Variants in LAMA2 observed in about 807,000 individuals in gnomAD.
LAMA2 encodes laminin subunit alpha 2, also known as laminin subunit alpha-2.
In LAMA2, 269 loss-of-function variants were observed where a neutral mutation model predicts 364.8. That is an observed-to-expected ratio of 0.74 (90% CI 0.67 to 0.82). LAMA2 has a LOEUF of 0.82. LAMA2 is among the 40% of genes least tolerant of loss of function. The pLI is 0.00. For missense variants in LAMA2, 3,807 were observed against 3,873.2 expected (o/e 0.98, Z 0.45); for synonymous variants, 1,379 against 1,370.6 (o/e 1.01, Z -0.14).
At chr6:129,228,805 G>T (rs1414946046) in intron 12 of LAMA2, among the ~76,000 whole-genome samples, 1 of 152,194 alleles carries the variant, frequency 6.6e-6, no homozygotes, top group African/African-American at 2.4e-5. Context: ...TCCAGCTGTG[G>T]CTCTAACTGT....
At chr6:129,093,133 C>G (rs552110853) in intron 3 of LAMA2, among the ~76,000 whole-genome samples, 156 of 151,640 alleles carry the variant, frequency 1.0e-3, no homozygotes, top group Middle Eastern at 3.4e-3. Flanking sequence ...CAGGCGCCCA[C>G]CACCACCCCC....
chr6:128,920,313 A>G (rs895162270), intron 1 of LAMA2, among the ~76,000 whole-genome samples: 1 of 151,708 alleles, frequency 6.6e-6, no homozygotes, highest in Non-Finnish European at 1.5e-5. Flanking sequence ...GTGTGCCACC[A>G]CGCCCAGCTA....
intron 55 of LAMA2, among the ~76,000 whole-genome samples, chr6:129,483,060 C>T (rs983032287): frequency 5.6e-5 from 7 of 125,698 alleles, no homozygotes; most frequent in African/African-American, 1.7e-4. Flanking sequence ...ATGTGAGACT[C>T]CGACTCGAAA....
intron 27 of LAMA2, among the ~76,000 whole-genome samples, chr6:129,318,361 T>C (rs1458013986): frequency 6.6e-6 from 1 of 152,184 alleles, no homozygotes. Flanking sequence ...AAATGGAAGC[T>C]GGAGTTTGGC....
Position 129,491,911 on chromosome 6 carries a change from G to A in LAMA2, c.7909G>A (p.Val2637Ile). 1 of 1,610,134 alleles carries A rather than the reference G, an allele frequency of 6.2e-7. No homozygotes were observed. The highest frequency in any genetic ancestry group is 1.1e-5 in the South Asian group (1 of 90,970). The change falls in exon 57 of 65, where the codon GTT (valine) becomes ATT (isoleucine). Residue 2637 changes from valine to isoleucine, a missense_variant. Coordinates refer to ENST00000421865, the MANE Select transcript of LAMA2 (RefSeq NM_000426.4). ...TTAATATTTTATCAGCATCTTTACA[G>A]TTCAAGTGGATGAAAACAGAAGATA... ...HVERTRGIFT[V>I]QVDENRRYMQ...
chr6:129,079,852 A>C (rs1227294184), intron 3 of LAMA2, among the ~76,000 whole-genome samples: 1 of 152,172 alleles, frequency 6.6e-6, no homozygotes, highest in Non-Finnish European at 1.5e-5. Context: ...AAGTACATAT[A>C]AAATATATCC....
At chr6:129,059,115 C>G (rs1408785591) in intron 2 of LAMA2, among the ~76,000 whole-genome samples, 1 of 152,138 alleles carries the variant, frequency 6.6e-6, no homozygotes, top group Non-Finnish European at 1.5e-5. Context: ...TGGGATCAGA[C>G]TGTAAGTAGA....
At chr6:129,460,002 C>T (rs1158516539) in intron 48 of LAMA2, among the ~76,000 whole-genome samples, 198 bp from the exon 49 acceptor site, 2 of 151,918 alleles carry the variant, frequency 1.3e-5, no homozygotes, top group African/African-American at 4.8e-5. Flanking sequence ...GAGCTTTTCC[C>T]CTGTTGTTGA....
intron 14 of LAMA2, among the ~76,000 whole-genome samples, chr6:129,253,697 G>A (rs569753914): frequency 4.5e-4 from 68 of 152,274 alleles, no homozygotes; most frequent in Non-Finnish European, 8.8e-4. Flanking sequence ...AGTGTCTGGG[G>A]GGCTTATATA....
At chr6:128,895,602 T>G (rs1011748986) in intron 1 of LAMA2, among the ~76,000 whole-genome samples, 1 of 151,880 alleles carries the variant, frequency 6.6e-6, no homozygotes, top group South Asian at 2.1e-4. Flanking sequence ...GAGCCGAGAT[T>G]GCGCCACTGC....
chr6:129,308,063 G>GCATATTGAT (rs1583461002), intron 22 of LAMA2, among the ~76,000 whole-genome samples: 1 of 152,202 alleles, frequency 6.6e-6, no homozygotes, highest in African/African-American at 2.4e-5. Context: ...AGGAAAACAA[G>GCATATTGAT]CATATTGATG....
At chr6:129,460,173 A>G (rs1480249776) in intron 48 of LAMA2, 27 bp from the exon 49 acceptor site, 3 of 1,609,746 alleles carry the variant, frequency 1.9e-6, no homozygotes, top group Non-Finnish European at 2.5e-6. Flanking sequence ...TCCAAATTCT[A>G]GCAAATAACG....
intron 1 of LAMA2, among the ~76,000 whole-genome samples, chr6:128,891,640 A>G (rs1400733852): frequency 6.6e-6 from 1 of 152,096 alleles, no homozygotes; most frequent in Admixed American, 6.6e-5. Flanking sequence ...ACAACCTAAC[A>G]TGACATTCTC....
intron 53 of LAMA2, among the ~76,000 whole-genome samples, chr6:129,478,453 G>A (rs979647674): frequency 6.6e-6 from 1 of 152,120 alleles, no homozygotes; most frequent in Admixed American, 6.6e-5. Context: ...TGCTGTGGGT[G>A]AGATTATTGC....
In LAMA2 at chr6:129,014,029, G is replaced by C. The variant is rs372418676; in HGVS notation, c.113-35889G>C. Among the ~76,000 whole-genome samples the C allele has an allele frequency of 1.1e-4, 17 of 152,224 alleles. No homozygotes were observed. In the South Asian group the frequency reaches 3.3e-3, roughly 30 times the overall value. On this transcript the variant is annotated intron_variant, in intron 1 of 64. Coordinates refer to ENST00000421865, the MANE Select transcript of LAMA2 (RefSeq NM_000426.4). The stretch of plus-strand genomic sequence containing the variant: ...AACTTTAGATAAGGCAGTTAGAGAA[G>C]GAAAATCAAGGATAGATTCTAGATT...
At chr6:128,959,324 TAGAA>T (rs1781338582) in intron 1 of LAMA2, among the ~76,000 whole-genome samples, 1 of 152,182 alleles carries the variant, frequency 6.6e-6, no homozygotes, top group African/African-American at 2.4e-5. Flanking sequence ...GTAGCTTCCT[TAGAA>T]AGAGTGAAGA....
chr6:128,912,703 GA>G (rs1778053753), intron 1 of LAMA2, among the ~76,000 whole-genome samples: 1 of 152,162 alleles, frequency 6.6e-6, no homozygotes, highest in South Asian at 2.1e-4. Flanking sequence ...GCATAGTAGG[GA>G]AAAAAGTAAG....
intron 3 of LAMA2, among the ~76,000 whole-genome samples, chr6:129,085,665 A>C (rs528064949): frequency 6.6e-6 from 1 of 152,110 alleles, no homozygotes; most frequent in Non-Finnish European, 1.5e-5. Flanking sequence ...AGGACGGAGG[A>C]GTTCTCTAAG....
intron 2 of LAMA2, among the ~76,000 whole-genome samples, chr6:129,052,090 G>C (rs1038372615): frequency 1.3e-5 from 2 of 150,844 alleles, no homozygotes; most frequent in Non-Finnish European, 3.0e-5. Flanking sequence ...TGGGGGTAAA[G>C]CTTCACAATT....
Sources: allele counts gnomAD v4.1 joint callset (sites outside exome capture counted in the v4.1 genomes callset), GRCh38; gene constraint gnomAD v4.1.1; transcripts MANE v1.5; gene names NCBI Gene and HGNC (gene_info 2026-07-23, HGNC 2026-07-21).